CENPL: variants seen among roughly 807,000 people sequenced by gnomAD.
CENPL encodes interphase centromere complex protein 33.
A neutral mutation model predicts 35.2 loss-of-function variants in CENPL; 20 were observed. The ratio of observed to expected loss-of-function variants is 0.57; its 90% CI spans 0.40 to 0.83. The LOEUF (loss-of-function observed/expected upper bound fraction) is 0.83, where lower values mean the gene tolerates loss of function less well. Ranked by LOEUF, CENPL falls within the 40% of genes least tolerant of loss-of-function variation. The probability of loss-of-function intolerance (pLI) is 0.00; values close to 1 mark genes in which losing one functional copy is unlikely to be tolerated. For missense variants in CENPL, 363 were observed against 395.8 expected, an observed-to-expected ratio of 0.92 and a Z score of 0.70; for synonymous variants, 140 against 140.6, an observed-to-expected ratio of 1.00 and a Z score of 0.03.
chr1:173,819,723 T>A (rs1174525527), intron 2 of CENPL, among the ~76,000 whole-genome samples: 2 of 152,156 alleles, frequency 1.3e-5, no homozygotes, highest in African/African-American at 2.4e-5. Context: ...GGAGTCTCAC[T>A]GTTGTTGGCC....
chr1:173,807,388 A>C lies in CENPL; in HGVS notation c.299T>G (p.Val100Gly). The change falls in exon 4 of 6, where the codon GTT (valine) becomes GGT (glycine). Residue 100 changes from valine to glycine, a missense_variant. Val to Gly is a moderately radical substitution (Grantham distance 109). Coordinates refer to ENST00000682279, the MANE Select transcript of CENPL (RefSeq NM_001387287.1). ...AGCAAGTCCTTTTTGCTTTTCAGCA[A>C]CAATAAAAGCATTGAGAAGTCTAGA... is the stretch of plus-strand genomic sequence containing the variant. ...EYSRLLNAFI[V>G]AEKQKGLAVE... The C allele has an allele frequency of 6.2e-7, 1 of 1,613,728 alleles. No individual in the cohort carries two copies. The highest frequency in any genetic ancestry group is 8.5e-7 in the Non-Finnish European group (1 of 1,179,772).
At chr1:173,801,397 C>T (rs956165841) in intron 5 of CENPL, among the ~76,000 whole-genome samples, 1 of 151,422 alleles carries the variant, frequency 6.6e-6, no homozygotes, top group Non-Finnish European at 1.5e-5. Context: ...GCCTGTAATC[C>T]CAGCTACTCG....
chr1:173,803,984 A>C (rs1220846203), intron 4 of CENPL, among the ~76,000 whole-genome samples: 2 of 152,046 alleles, frequency 1.3e-5, no homozygotes, highest in African/African-American at 4.8e-5. Flanking sequence ...CAATATTCTT[A>C]TACAGTGGAA....
intron 5 of CENPL, 30 bp downstream of exon 5, chr1:173,802,933 A>T (rs1649884145): frequency 6.8e-7 from 1 of 1,478,180 alleles, no homozygotes; most frequent in Non-Finnish European, 9.2e-7. Flanking sequence ...AAACAAGGAA[A>T]AATTACTTAA....
chr1:173,810,230 G>C (rs750866488), intron 3 of CENPL, among the ~76,000 whole-genome samples: 2 of 152,126 alleles, frequency 1.3e-5, no homozygotes, highest in African/African-American at 4.8e-5. Flanking sequence ...TGGAGCTGGA[G>C]GCCATTATCC....
intron 2 of CENPL, among the ~76,000 whole-genome samples, chr1:173,817,080 G>A (rs1201349757): frequency 2.0e-5 from 3 of 152,150 alleles, no homozygotes; most frequent in Non-Finnish European, 2.9e-5. Flanking sequence ...AGAGGTTGCA[G>A]TGAGCCAAAA....
chr1:173,805,031 T>C (rs756291767), intron 4 of CENPL, among the ~76,000 whole-genome samples: 4 of 152,200 alleles, frequency 2.6e-5, no homozygotes, highest in East Asian at 3.8e-4. Context: ...TGTAACCCTA[T>C]CAAGAAACGA....
chr1:173,823,242 T>C lies in CENPL; in HGVS notation c.-8+684A>G, dbSNP rs1344561711. On this transcript the variant is annotated intron_variant, in intron 2 of 5. Coordinates refer to ENST00000682279, the MANE Select transcript of CENPL (RefSeq NM_001387287.1). ...ACATCTATATGAAGTCAAATCAGAA[T>C]TCCTGTCTGGCTTTCAAGGCACTAC... 3 of 152,338 alleles carry C rather than the reference T, an allele frequency of 2.0e-5. No homozygotes were observed. The East Asian group carries it at 5.8e-4, about 29-fold the overall frequency. 9.4% of individuals were successfully genotyped at this position (152,338 alleles called of 1,614,324 possible). A position where few individuals can be genotyped will look rare whatever the true frequency, so the allele number is the denominator to read the frequency against.
chr1:173,802,868 G>T, intron 5 of CENPL, 95 bp downstream of exon 5: 1 of 793,848 alleles, frequency 1.3e-6, no homozygotes, highest in Non-Finnish European at 2.0e-6. Context: ...ATACATTCAA[G>T]TGTGTTTCTT....
intron 3 of CENPL, among the ~76,000 whole-genome samples, chr1:173,809,043 G>GA (rs1650539767): frequency 6.6e-6 from 1 of 151,754 alleles, no homozygotes; most frequent in Non-Finnish European, 1.5e-5. Flanking sequence ...AAATTTACAA[G>GA]AAAAAAAATG....
chr1:173,807,106 T>G (rs1453335648), intron 4 of CENPL, among the ~76,000 whole-genome samples, 161 bp downstream of exon 4: 1 of 152,180 alleles, frequency 6.6e-6, no homozygotes, highest in South Asian at 2.1e-4. Context: ...GGTATTTTTA[T>G]GTATTTCCTC....
intron 2 of CENPL, among the ~76,000 whole-genome samples, chr1:173,815,785 G>A (rs921644695): frequency 1.3e-5 from 2 of 152,194 alleles, no homozygotes; most frequent in African/African-American, 4.8e-5. Flanking sequence ...ACAAGACAGG[G>A]ATGCCCTCTC....
chr1:173,802,299 G>A (rs973210634), intron 5 of CENPL, among the ~76,000 whole-genome samples: 3 of 151,692 alleles, frequency 2.0e-5, no homozygotes, highest in Non-Finnish European at 4.4e-5. Flanking sequence ...TCCGCCTCTC[G>A]GGTTCACACC....
At chr1:173,816,919 C>T (rs1651441622) in intron 2 of CENPL, among the ~76,000 whole-genome samples, 1 of 152,132 alleles carries the variant, frequency 6.6e-6, no homozygotes, top group African/African-American at 2.4e-5. Context: ...GCGGGTGGAT[C>T]ACAAGGTCAG....
chr1:173,807,739 G>A (rs1650366537), intron 3 of CENPL, among the ~76,000 whole-genome samples: 1 of 152,110 alleles, frequency 6.6e-6, no homozygotes, highest in Non-Finnish European at 1.5e-5. Flanking sequence ...CACATGGCAA[G>A]TTCCTTCACT....
intron 3 of CENPL, 75 bp downstream of exon 3, chr1:173,811,057 G>A (rs1650770150): frequency 7.3e-7 from 1 of 1,377,900 alleles, no homozygotes. Context: ...GAATACTATA[G>A]TTACAAAAAT....
intron 4 of CENPL, chr1:173,806,575 C>A (rs1484963512): frequency 6.6e-6 from 2 of 303,960 alleles, no homozygotes; most frequent in South Asian, 4.8e-5. Flanking sequence ...CAAAATGAGA[C>A]CCTGTCTCAA....
Position 173,803,007 on chromosome 1 carries a change from C to T in CENPL, c.919G>A (p.Val307Ile), listed in dbSNP as rs1649891926. The change falls in exon 5 of 6, where the codon GTT becomes ATT. Residue 307 changes from valine to isoleucine, a missense_variant. Coordinates refer to ENST00000682279, the MANE Select transcript of CENPL (RefSeq NM_001387287.1). ...IHLSATRLVRVSTSVASAHTD... is the reference protein window; with the variant it reads ...IHLSATRLVRISTSVASAHTD... ...TGTGCTGAAGCTACAGATGTTGAAA[C>T]ACGAACTAATCTTGTGGCTGATAAA... 1 of 1,613,394 alleles carries T rather than the reference C, an allele frequency of 6.2e-7. No homozygotes were observed. Among genetic ancestry groups the T allele is most frequent in the Non-Finnish European group, 8.5e-7 (1 of 1,179,438 alleles).
chr1:173,801,061 T>G (rs1649703714), intron 5 of CENPL, among the ~76,000 whole-genome samples: 1 of 152,204 alleles, frequency 6.6e-6, no homozygotes, highest in Admixed American at 6.5e-5. Context: ...CACTGTGACC[T>G]CCAGTTTGAA....
Sources: gnomAD v4.1 joint callset for allele counts (sites outside exome capture counted in the v4.1 genomes callset) on GRCh38, gnomAD v4.1.1 for gene constraint, MANE v1.5 for transcripts, NCBI Gene and HGNC (gene_info 2026-07-23, HGNC 2026-07-21) for gene names.